Variants in KRAS observed in about 807,000 individuals in gnomAD.
The protein encoded by KRAS is GTPase KRas.
Under a neutral mutation model 21.0 loss-of-function variants are expected in KRAS, and 1 was observed. The ratio of observed to expected loss-of-function variants is 0.05; its 90% CI spans 0.02 to 0.23. KRAS has a LOEUF of 0.23. Among genes scored for constraint, KRAS ranks in the 10% least tolerant of loss-of-function variants. KRAS has a pLI of 1.00. For synonymous variants in KRAS, 67 were observed against 72.5 expected (o/e 0.92, Z 0.39); for missense variants, 107 against 221.8 (o/e 0.48, Z 3.29).
Position 25,208,596 on chromosome 12 carries a change from T to TA in KRAS, c.*1198_*1199insT, listed in dbSNP as rs1246008530. 31 of 233,158 alleles carry TA rather than the reference T, an allele frequency of 1.3e-4. No homozygotes were observed. The highest frequency in any genetic ancestry group is 3.4e-4 in the Admixed American group (6 of 17,768). The allele number at this position is 233,158 out of a possible 1,614,324, so 14.4% of individuals were successfully genotyped here. The stretch of plus-strand genomic sequence containing the variant: ...AAGTAATTTTTAAAAAAGAGTTTGT[T>TA]TTCTTAAGAAACAAAAGCAATGCTC... On this transcript the variant is annotated 3_prime_UTR_variant, in exon 5 of 5. Transcript: ENST00000311936.
intron 4 of KRAS, among the ~76,000 whole-genome samples, chr12:25,215,787 A>T (rs1201873720): frequency 6.6e-6 from 1 of 152,134 alleles, no homozygotes; most frequent in Non-Finnish European, 1.5e-5. Context: ...AAATTTTAAA[A>T]TTTTTAAATT....
intron 3 of KRAS, among the ~76,000 whole-genome samples, chr12:25,226,932 G>A (rs1181080016): frequency 6.6e-6 from 1 of 151,724 alleles, no homozygotes; most frequent in Non-Finnish European, 1.5e-5. Flanking sequence ...CTTTTTTAAT[G>A]ATGTATCTAA....
At chr12:25,214,679 C>T (rs992989701) in intron 4 of KRAS, among the ~76,000 whole-genome samples, 4 of 152,184 alleles carry the variant, frequency 2.6e-5, no homozygotes, top group Non-Finnish European at 5.9e-5. Flanking sequence ...TGAGCCACCG[C>T]GCCCGGCCAA....
chr12:25,208,733 C>T lies in KRAS; in HGVS notation c.*1062G>A, dbSNP rs61763591. The T allele has an allele frequency of 6.8e-3, 1,583 of 232,784 alleles. 24 individuals are homozygous for T. Among genetic ancestry groups the T allele is most frequent in the African/African-American group, 0.032 (1,442 of 45,388 alleles). The allele number at this position is 232,784 out of a possible 1,614,324, so 14.4% of individuals were successfully genotyped here. A position where few individuals can be genotyped will look rare whatever the true frequency, so the allele number is the denominator to read the frequency against. On this transcript the variant is annotated 3_prime_UTR_variant, in exon 5 of 5. Transcript: ENST00000311936. ...CCAATGCATGACAACACTGGATGAC[C>T]GTGGGGACACAGTCCATGCTGTGAA... is the stretch of plus-strand genomic sequence containing the variant.
rs181569153 is a variant in KRAS at position 25,205,956 on chromosome 12, C to T, written c.*3839G>A. 1 of 214,290 alleles carries T rather than the reference C, an allele frequency of 4.7e-6. No individual in the cohort carries two copies. The highest frequency in any genetic ancestry group is 7.1e-5 in the East Asian group (1 of 14,108). The allele number at this position is 214,290 out of a possible 1,614,324, so 13.3% of individuals were successfully genotyped here. A position where few individuals can be genotyped will look rare whatever the true frequency, so the allele number is the denominator to read the frequency against. ...CAGAAGTTACTAAATATAAATTCAG[C>T]TTTAAGGTAACTGCTGGGTTCTAAA... On this transcript the variant is annotated 3_prime_UTR_variant, in exon 5 of 5. Transcript: ENST00000311936.
chr12:25,249,396 T>A (rs933592515), intron 1 of KRAS, among the ~76,000 whole-genome samples: 2 of 145,634 alleles, frequency 1.4e-5, no homozygotes, highest in Non-Finnish European at 3.0e-5. Flanking sequence ...ATGGAGACCA[T>A]CCTGACCAAC....
intron 4 of KRAS, chr12:25,225,048 G>C (rs1178006004): frequency 2.6e-5 from 4 of 151,610 alleles, no homozygotes; most frequent in African/African-American, 9.7e-5. Context: ...CAAAATTCAG[G>C]TTCTCTCTGG....
At chr12:25,234,654 T>G (rs1261999929) in intron 2 of KRAS, 2 of 188,524 alleles carry the variant, frequency 1.1e-5, no homozygotes, top group Admixed American at 6.2e-5. Context: ...TTTAATGAAG[T>G]GTTTCCTGGT....
chr12:25,211,537 CA>C (rs1391295723), intron 4 of KRAS, among the ~76,000 whole-genome samples: 2 of 151,916 alleles, frequency 1.3e-5, no homozygotes, highest in Non-Finnish European at 2.9e-5. Flanking sequence ...GAGATAGCAC[CA>C]CTGCACTCCA....
chr12:25,210,971 T>C (rs1307497193), intron 4 of KRAS: 1 of 152,042 alleles, frequency 6.6e-6, no homozygotes, highest in Non-Finnish European at 1.5e-5. Flanking sequence ...AAGAAAAATA[T>C]AAATAAAAGC....
At chr12:25,226,484 T>A (rs1951393365) in intron 3 of KRAS, among the ~76,000 whole-genome samples, 1 of 152,122 alleles carries the variant, frequency 6.6e-6, no homozygotes, top group Non-Finnish European at 1.5e-5. Context: ...ATTTGGTAAC[T>A]CCTCTATAAA....
intron 1 of KRAS, 113 bp from the exon 2 acceptor site, chr12:25,245,508 A>C: frequency 3.6e-6 from 4 of 1,100,638 alleles, no homozygotes; most frequent in Non-Finnish European, 5.3e-6. Flanking sequence ...CTTTATATGA[A>C]AAATTATTTC....
intron 2 of KRAS, among the ~76,000 whole-genome samples, chr12:25,228,888 A>T (rs1461519966): frequency 6.6e-6 from 1 of 152,124 alleles, no homozygotes; most frequent in African/African-American, 2.4e-5. Flanking sequence ...GTGAAACCCC[A>T]TCTCTATTAA....
intron 1 of KRAS, among the ~76,000 whole-genome samples, chr12:25,245,808 C>G (rs1339805851): frequency 1.3e-5 from 2 of 152,164 alleles, no homozygotes; most frequent in South Asian, 4.1e-4. Flanking sequence ...TGACAGCTAT[C>G]TCCACTCTTA....
chr12:25,233,155 T>C (rs1180199035), intron 2 of KRAS, among the ~76,000 whole-genome samples: 1 of 152,112 alleles, frequency 6.6e-6, no homozygotes, highest in Admixed American at 6.5e-5. Context: ...CCATGATAAC[T>C]ATTTTGTCTC....
At chr12:25,239,083 G>C (rs1294798490) in intron 2 of KRAS, among the ~76,000 whole-genome samples, 2 of 152,132 alleles carry the variant, frequency 1.3e-5, no homozygotes, top group African/African-American at 4.8e-5. Flanking sequence ...CAATATGAAA[G>C]TACAGAAATG....
intron 4 of KRAS, among the ~76,000 whole-genome samples, chr12:25,223,458 T>C (rs543650596): frequency 1.4e-4 from 22 of 152,226 alleles, no homozygotes; most frequent in Non-Finnish European, 2.8e-4. Flanking sequence ...TGGAAATGGA[T>C]TTATGTGAAA....
intron 2 of KRAS, among the ~76,000 whole-genome samples, chr12:25,235,509 C>T (rs1246666289): frequency 2.6e-5 from 4 of 152,144 alleles, no homozygotes; most frequent in Non-Finnish European, 4.4e-5. Context: ...CCGTGTCACA[C>T]ATTATATAGT....
At chr12:25,232,171 AT>A (rs1274509028) in intron 2 of KRAS, among the ~76,000 whole-genome samples, 2 of 152,202 alleles carry the variant, frequency 1.3e-5, no homozygotes, top group South Asian at 2.1e-4. Flanking sequence ...AGAAAAAAAA[AT>A]ATGCATCAAT....
Sources: allele counts gnomAD v4.1 joint callset (sites outside exome capture counted in the v4.1 genomes callset), GRCh38; gene constraint gnomAD v4.1.1; transcripts MANE v1.5; gene names NCBI Gene and HGNC (gene_info 2026-07-23, HGNC 2026-07-21).